BTAF1: variants seen among roughly 807,000 people sequenced by gnomAD.
BTAF1 encodes the protein B-TFIID TATA-box binding protein associated factor 1.
In BTAF1, 38 loss-of-function variants were observed where a neutral mutation model predicts 227.1. That is an observed-to-expected ratio of 0.17 (90% CI 0.13 to 0.22). BTAF1 has a LOEUF of 0.22. Ranked by LOEUF, BTAF1 falls within the 10% of genes least tolerant of loss-of-function variation. BTAF1 has a pLI of 1.00. For missense variants in BTAF1, 1,598 were observed against 2,204.0 expected (o/e 0.73, Z 5.51); for synonymous variants, 742 against 751.9 (o/e 0.99, Z 0.21).
intron 35 of BTAF1, among the ~76,000 whole-genome samples, chr10:92,025,443 TAAAA>T (rs1206825069): frequency 4.1e-5 from 6 of 147,898 alleles, no homozygotes; most frequent in African/African-American, 1.5e-4. Flanking sequence ...CTTTTTTTTT[TAAAA>T]AAAAAATGCA....
At chr10:91,926,213 G>A (rs1462771575) in intron 1 of BTAF1, among the ~76,000 whole-genome samples, 5 of 152,076 alleles carry the variant, frequency 3.3e-5, no homozygotes, top group East Asian at 1.9e-4. Flanking sequence ...ACTATTTTAC[G>A]TAAAATAGGT....
Position 91,956,650 on chromosome 10 carries a change from T to C in BTAF1, c.824T>C (p.Ile275Thr). The change falls in exon 7 of 38, where the codon ATT becomes ACT. Residue 275 changes from isoleucine to threonine, a missense_variant. Transcript: ENST00000265990. ...AATATTCCAGACAGCTCTTCCTTAA[T>C]TGAAGAGGTACTCTTGAAAGACTCT... ...IDNIPDSSSL[I>T]EETNEWPLES... The C allele has an allele frequency of 6.2e-7, 1 of 1,610,072 alleles. No homozygotes were observed.
intron 33 of BTAF1, among the ~76,000 whole-genome samples, 173 bp from the exon 34 acceptor site, chr10:92,018,610 C>T (rs1223763877): frequency 6.6e-6 from 1 of 152,164 alleles, no homozygotes; most frequent in African/African-American, 2.4e-5. Flanking sequence ...GCACAAGAAT[C>T]TCAAATGAGA....
intron 2 of BTAF1, among the ~76,000 whole-genome samples, chr10:91,938,715 G>C (rs1046995429): frequency 1.3e-5 from 2 of 152,120 alleles, no homozygotes; most frequent in Non-Finnish European, 2.9e-5. Context: ...AAGTATGGTG[G>C]TACATGCCCA....
intron 13 of BTAF1, among the ~76,000 whole-genome samples, chr10:91,965,189 A>G (rs999753578): frequency 1.3e-5 from 2 of 152,198 alleles, no homozygotes; most frequent in African/African-American, 4.8e-5. Flanking sequence ...GGGGTTTCCT[A>G]ATTTTTGATG....
At chr10:91,954,314 C>T (rs908522057) in intron 6 of BTAF1, among the ~76,000 whole-genome samples, 5 of 152,040 alleles carry the variant, frequency 3.3e-5, no homozygotes, top group African/African-American at 9.7e-5. Context: ...GGTATTGTCA[C>T]GATATTACCT....
At chr10:91,981,899 T>G in intron 16 of BTAF1, 107 bp downstream of exon 16, 1 of 1,385,592 alleles carries the variant, frequency 7.2e-7, no homozygotes, top group Non-Finnish European at 9.6e-7. Context: ...TTAATTAACA[T>G]AAGTAAGGAG....
At position 91,982,161 on chromosome 10, in the gene BTAF1, A is replaced by G; in HGVS notation, c.1984A>G (p.Thr662Ala). Residue 662 changes from threonine to alanine, a missense_variant, in exon 17 of 38, where the codon ACC becomes GCC. By Grantham distance (58) the Thr-to-Ala change is moderately conservative. Coordinates refer to ENST00000265990, the MANE Select transcript of BTAF1 (RefSeq NM_003972.3). ...TCAGGAGTATATTGCAGGTGCCGACACCATCATGGAAGACCCAGCCACCAG... is the reference window on the plus strand; with the variant it reads ...TCAGGAGTATATTGCAGGTGCCGACGCCATCATGGAAGACCCAGCCACCAG... ...VLQEYIAGAD[T>A]IMEDPATRDF... The G allele has an allele frequency of 6.2e-7, 1 of 1,614,048 alleles. No homozygotes were observed. The highest frequency in any genetic ancestry group is 8.5e-7 in the Non-Finnish European group (1 of 1,179,942).
chr10:91,935,716 C>T lies in BTAF1; in HGVS notation c.74C>T (p.Ala25Val). Residue 25 changes from alanine (A) to valine (V), a missense_variant, in exon 2 of 38, where the codon GCT (alanine) becomes GTT (valine). Transcript: ENST00000265990. The stretch of plus-strand genomic sequence containing the variant: ...ACTACTCCTGTTACAAGAAAAGCTG[C>T]TGCACAGCAACTTGGAGAAGTGGTG... ...TGTTPVTRKA[A>V]AQQLGEVVKL... 1.9e-6 allele frequency: 3 copies of T among 1,613,694 alleles called. No individual in the cohort carries two copies. Among genetic ancestry groups the T allele is most frequent in the Non-Finnish European group, 2.5e-6 (3 of 1,179,730 alleles).
At chr10:91,975,973 T>C (rs1348416432) in intron 14 of BTAF1, among the ~76,000 whole-genome samples, 1 of 152,230 alleles carries the variant, frequency 6.6e-6, no homozygotes, top group Non-Finnish European at 1.5e-5. Flanking sequence ...ACAGTCTACC[T>C]GGAATTAGTG....
At chr10:92,017,502 A>T (rs1850819006) in intron 33 of BTAF1, among the ~76,000 whole-genome samples, 1 of 151,700 alleles carries the variant, frequency 6.6e-6, no homozygotes, top group East Asian at 1.9e-4. Context: ...GTGAAGATCT[A>T]GTTTTTGTTT....
chr10:91,935,623 T>G, intron 1 of BTAF1, 34 bp from the exon 2 acceptor site: 1 of 1,606,534 alleles, frequency 6.2e-7, no homozygotes, highest in South Asian at 1.1e-5. Flanking sequence ...AGGAAAAGCA[T>G]TTGAGAATAA....
chr10:92,000,002 T>C (rs1234575626), intron 25 of BTAF1, among the ~76,000 whole-genome samples: 1 of 152,186 alleles, frequency 6.6e-6, no homozygotes, highest in African/African-American at 2.4e-5. Flanking sequence ...CTAGGGTGAC[T>C]GCAGGGGTAT....
intron 20 of BTAF1, among the ~76,000 whole-genome samples, 165 bp from the exon 21 acceptor site, chr10:91,991,954 T>TA (rs752911729): frequency 3.3e-5 from 5 of 152,142 alleles, no homozygotes; most frequent in Admixed American, 1.3e-4. Flanking sequence ...CCTATGCAAA[T>TA]AGACTATTTT....
chr10:91,967,739 T>G (rs986300383), intron 14 of BTAF1, among the ~76,000 whole-genome samples: 1 of 152,252 alleles, frequency 6.6e-6, no homozygotes, highest in African/African-American at 2.4e-5. Flanking sequence ...TGGCATGGGT[T>G]GTTCTTAATT....
intron 1 of BTAF1, 54 bp downstream of exon 1, chr10:91,924,144 C>T (rs1843666942): frequency 1.5e-5 from 24 of 1,592,936 alleles, no homozygotes; most frequent in Non-Finnish European, 2.0e-5. Flanking sequence ...AAGGCATGGT[C>T]TCCTCTTAGA....
In BTAF1 at chr10:92,014,042, G is replaced by T; in HGVS notation, c.4584+13G>T. ...TAGTCCTCTCCAGGTTAGGAATCTCGTGTTTATCATTGTTAGTGGTATGTT... is the reference window on the plus strand; with the variant it reads ...TAGTCCTCTCCAGGTTAGGAATCTCTTGTTTATCATTGTTAGTGGTATGTT... On this transcript the variant is annotated intron_variant, in intron 32 of 37. Coordinates refer to ENST00000265990, the MANE Select transcript of BTAF1 (RefSeq NM_003972.3). 4.4e-6 allele frequency: 7 copies of T among 1,602,200 alleles called. No individual in the cohort carries two copies. The highest frequency in any genetic ancestry group is 6.0e-6 in the Non-Finnish European group (7 of 1,176,250).
At chr10:91,969,921 A>C (rs867721754) in intron 14 of BTAF1, among the ~76,000 whole-genome samples, 4 of 151,630 alleles carry the variant, frequency 2.6e-5, no homozygotes, top group African/African-American at 9.7e-5. Context: ...CCGAGATTGC[A>C]CCACTGCCAA....
rs1368160711 is a variant in BTAF1 at position 91,947,251 on chromosome 10, T to G, written c.401-4152T>G. On this transcript the variant is annotated intron_variant, in intron 4 of 37. Transcript: ENST00000265990. ...TGAAGTCCAATTTTTTTGTATTGTT[T>G]TGTTTGTTTCTCAAGTTTTTGGTAT... 3.3e-5 allele frequency among the ~76,000 whole-genome samples: 5 copies of G among 152,366 alleles called. No individual in the cohort carries two copies. The East Asian group carries it at 7.7e-4, about 23-fold the overall frequency.
Sources: gnomAD v4.1 joint callset for allele counts (sites outside exome capture counted in the v4.1 genomes callset) on GRCh38, gnomAD v4.1.1 for gene constraint, MANE v1.5 for transcripts, NCBI Gene and HGNC (gene_info 2026-07-23, HGNC 2026-07-21) for gene names.